TJP1: variants seen among roughly 807,000 people sequenced by gnomAD.
TJP1 encodes tight junction protein ZO-1.
In TJP1, 43 loss-of-function variants were observed where a neutral mutation model predicts 194.2. That is an observed-to-expected ratio of 0.22 (90% CI 0.17 to 0.29). The LOEUF (loss-of-function observed/expected upper bound fraction) is 0.29, where lower values mean the gene tolerates loss of function less well. Among genes scored for constraint, TJP1 ranks in the 10% least tolerant of loss-of-function variants. The probability of loss-of-function intolerance (pLI) is 1.00; values close to 1 mark genes in which losing one functional copy is unlikely to be tolerated. For synonymous variants in TJP1, 801 were observed against 779.0 expected (o/e 1.03, Z -0.47); for missense variants, 1,971 against 2,185.7 (o/e 0.90, Z 1.96).
At chr15:29,811,571 T>C (rs2049515221) in intron 1 of TJP1, among the ~76,000 whole-genome samples, 1 of 152,180 alleles carries the variant, frequency 6.6e-6, no homozygotes, top group South Asian at 2.1e-4. Flanking sequence ...GACATCCAAA[T>C]TGAGCCAGGT....
At chr15:29,708,507 C>G in intron 25 of TJP1, 52 bp downstream of exon 25, 1 of 1,425,254 alleles carries the variant, frequency 7.0e-7, no homozygotes, top group Non-Finnish European at 9.7e-7. Context: ...ACAACAAACT[C>G]ACATGAGAAA....
intron 2 of TJP1, among the ~76,000 whole-genome samples, chr15:29,942,892 C>CT (rs971039444): frequency 1.1e-4 from 16 of 152,054 alleles, no homozygotes; most frequent in African/African-American, 2.9e-4. Context: ...TCTTTTCTTC[C>CT]TTTTTTTTAA....
chr15:29,739,134 C>G (rs2044230486), intron 10 of TJP1, among the ~76,000 whole-genome samples: 1 of 152,056 alleles, frequency 6.6e-6, no homozygotes. Flanking sequence ...CTTCAAAAAG[C>G]AAAAACAACT....
chr15:29,753,797 A>T (rs1284788579), intron 8 of TJP1, among the ~76,000 whole-genome samples: 1 of 149,770 alleles, frequency 6.7e-6, no homozygotes, highest in Non-Finnish European at 1.5e-5. Flanking sequence ...CACCCTTTCT[A>T]TCTTTCTCAG....
chr15:29,741,467 T>C (rs1336856946), intron 9 of TJP1, 31 bp from the exon 10 acceptor site: 2 of 1,468,182 alleles, frequency 1.4e-6, no homozygotes, highest in Non-Finnish European at 1.9e-6. Context: ...TAGGACTCAC[T>C]TTAGAAAAAC....
intron 10 of TJP1, among the ~76,000 whole-genome samples, chr15:29,738,364 A>C (rs1478594741): frequency 6.6e-6 from 1 of 152,234 alleles, no homozygotes; most frequent in Non-Finnish European, 1.5e-5. Flanking sequence ...AATAACAACA[A>C]CAACAACAAA....
chr15:29,930,778 A>C (rs2054681750), intron 2 of TJP1, among the ~76,000 whole-genome samples: 1 of 152,210 alleles, frequency 6.6e-6, no homozygotes, highest in African/African-American at 2.4e-5. Flanking sequence ...AGGAAGAGGC[A>C]AGTCTGTCAT....
In TJP1 at chr15:29,876,533, A is replaced by T. The variant is rs557811519; in HGVS notation, c.307-75831T>A. On this transcript the variant is annotated intron_variant, in intron 2 of 28. Coordinates refer to the TJP1 transcript ENST00000356107. ...GAGACTCTGTCTCAAAAAAAAAAAAAATATGAGATTTTTTTTGTGACTTTT... is the reference window on the plus strand; with the variant it reads ...GAGACTCTGTCTCAAAAAAAAAAAATATATGAGATTTTTTTTGTGACTTTT... Among the ~76,000 whole-genome samples the T allele has an allele frequency of 3.3e-3, 495 of 151,902 alleles. 5 individuals carry two copies. Among genetic ancestry groups the T allele is most frequent in the African/African-American group, 0.011 (467 of 41,368 alleles).
In TJP1 at chr15:29,719,055, G is replaced by A. The variant is rs1163844858; in HGVS notation, c.3087C>T (p.His1029=). The change falls in exon 21 of 28, where the codon CAC becomes CAT. Residue 1029 remains histidine (H), a synonymous_variant. Coordinates refer to ENST00000614355, the MANE Select transcript of TJP1 (RefSeq NM_001330239.4). ...TCAGATTAGGCTCTTTGTCTGGCCT[G>A]TGCCCTGGGTGACTAACGGCTGGCT... is the stretch of plus-strand genomic sequence containing the variant. The part of the protein sequence containing the change: ...LKQPAVSHPG[H]RPDKEPNLTY... The A allele has an allele frequency of 6.2e-7, 1 of 1,614,060 alleles. No individual in the cohort carries two copies. Among genetic ancestry groups the A allele is most frequent in the Non-Finnish European group, 8.5e-7 (1 of 1,180,046 alleles).
intron 2 of TJP1, among the ~76,000 whole-genome samples, chr15:29,892,909 AATTTTTGAGTCTTAATATCTAAAAAATAC>A (rs1350984229): frequency 6.6e-6 from 1 of 152,224 alleles, no homozygotes; most frequent in African/African-American, 2.4e-5. Context: ...GAGTAATTTC[AATTTTTGAGTCTTAATATCTAAAAAATAC>A]ATTTTATGAG....
intron 23 of TJP1, 75 bp from the exon 24 acceptor site, chr15:29,711,075 G>A (rs1301282475): frequency 3.5e-6 from 5 of 1,431,088 alleles, no homozygotes; most frequent in Non-Finnish European, 4.7e-6. Flanking sequence ...ATTTCTCCAT[G>A]TATCTCTAAG....
intron 2 of TJP1, among the ~76,000 whole-genome samples, chr15:29,876,120 T>C (rs1724794467): frequency 6.6e-6 from 1 of 152,242 alleles, no homozygotes; most frequent in Non-Finnish European, 1.5e-5. Context: ...CAGAAAGTTC[T>C]GTTGAGAAGC....
At chr15:29,922,776 A>T (rs906596591) in intron 2 of TJP1, among the ~76,000 whole-genome samples, 2 of 152,216 alleles carry the variant, frequency 1.3e-5, no homozygotes, top group Non-Finnish European at 2.9e-5. Flanking sequence ...GATAATAAAC[A>T]GGTTAACAGT....
rs187292327 is a variant in TJP1, at chr15:29,926,074, C to A, written c.306+30158G>T. On this transcript the variant is annotated intron_variant, in intron 2 of 28. Coordinates refer to the TJP1 transcript ENST00000356107. Reference sequence around the variant, plus strand: ...CACCATGCCAGGACCCACACTCCCCCCAGTGGAATAAGCTCTATGCTCAGA... The same window carrying A: ...CACCATGCCAGGACCCACACTCCCCACAGTGGAATAAGCTCTATGCTCAGA... Among the ~76,000 whole-genome samples the A allele has an allele frequency of 3.3e-4, 50 of 152,238 alleles. No homozygotes were observed. The East Asian group carries it at 8.5e-3, about 26-fold the overall frequency.
At chr15:29,885,769 G>A (rs946321595) in intron 2 of TJP1, among the ~76,000 whole-genome samples, 2 of 152,202 alleles carry the variant, frequency 1.3e-5, no homozygotes, top group African/African-American at 4.8e-5. Flanking sequence ...TTTAAGTAGA[G>A]TAAATTCAGA....
At chr15:29,824,904 T>C (rs552193901), upstream of TJP1, among the ~76,000 whole-genome samples, 78 of 152,286 alleles carry the variant, frequency 5.1e-4, no homozygotes, top group Middle Eastern at 3.4e-3. Flanking sequence ...TGCCATGGTT[T>C]AAAAAATGAA....
At chr15:29,836,898 C>A (rs2152058294) in intron 2 of TJP1, among the ~76,000 whole-genome samples, 1 of 152,342 alleles carries the variant, frequency 6.6e-6, no homozygotes, top group African/African-American at 2.4e-5. Flanking sequence ...AACTTGGAAG[C>A]AGAGAGCAGC....
chr15:29,775,770 T>C (rs984412547), intron 2 of TJP1, among the ~76,000 whole-genome samples: 2 of 151,990 alleles, frequency 1.3e-5, no homozygotes, highest in African/African-American at 4.8e-5. Flanking sequence ...CAGAACAAAT[T>C]CAAATAAATT....
At chr15:29,770,316 G>T (rs1041881987) in intron 4 of TJP1, among the ~76,000 whole-genome samples, 3 of 151,686 alleles carry the variant, frequency 2.0e-5, no homozygotes, top group African/African-American at 7.3e-5. Flanking sequence ...GGTAGCGGTC[G>T]CCTGTAATCC....
Sources: gnomAD v4.1 joint callset for allele counts (sites outside exome capture counted in the v4.1 genomes callset) on GRCh38, gnomAD v4.1.1 for gene constraint, MANE v1.5 for transcripts, NCBI Gene and HGNC (gene_info 2026-07-23, HGNC 2026-07-21) for gene names.